SMC2: variants seen among roughly 807,000 people sequenced by gnomAD.
The protein encoded by SMC2 is structural maintenance of chromosomes protein 2.
SMC2 carries 41 observed loss-of-function variants against 142.6 expected under a neutral mutation model. The ratio of observed to expected loss-of-function variants is 0.29; its 90% confidence interval spans 0.22 to 0.37. SMC2 has a LOEUF of 0.37. Among genes scored for constraint, SMC2 ranks in the 10% least tolerant of loss-of-function variants. The pLI, the probability that SMC2 is intolerant of heterozygous loss-of-function variation, is 1.00. For synonymous variants in SMC2, 463 were observed against 457.5 expected (o/e 1.01, Z -0.15); for missense variants, 1,265 against 1,373.7 (o/e 0.92, Z 1.25).
chr9:104,133,693 C>G (rs148969927), intron 22 of SMC2, among the ~76,000 whole-genome samples: 1 of 152,102 alleles, frequency 6.6e-6, no homozygotes, highest in Non-Finnish European at 1.5e-5. Flanking sequence ...TACCCTATTA[C>G]AAGCTAGGAT....
chr9:104,131,527 G>T (rs1834966321), intron 21 of SMC2, among the ~76,000 whole-genome samples: 1 of 151,828 alleles, frequency 6.6e-6, no homozygotes, highest in Admixed American at 6.6e-5. Context: ...AAAAAAGTAA[G>T]GTCCAATTTA....
chr9:104,104,148 A>T (rs1312081573), intron 9 of SMC2, among the ~76,000 whole-genome samples: 1 of 152,166 alleles, frequency 6.6e-6, no homozygotes, highest in East Asian at 1.9e-4. Context: ...GGTCTCATCC[A>T]GCTCTGTAAC....
rs1293728932 is a variant in SMC2 at position 104,139,331 on chromosome 9, C to A, written c.*16C>A. 5.1e-6 allele frequency: 8 copies of A among 1,558,168 alleles called. No individual in the cohort carries two copies. The highest frequency in any genetic ancestry group is 6.9e-6 in the Non-Finnish European group (8 of 1,161,430). On this transcript the variant is annotated 3_prime_UTR_variant, in exon 25 of 25. Coordinates refer to ENST00000374793, the MANE Select transcript of SMC2 (RefSeq NM_006444.3). ...GGAAGTTTAAACTACAAAGTTATTT[C>A]TTCATCTTGACCTGTTTTTTTAAAT...
At position 104,126,706 on chromosome 9, in the gene SMC2, G is replaced by A. The variant is rs755697502; in HGVS notation, c.2517G>A (p.Gln839=). The change falls in exon 19 of 25, where the codon CAG becomes CAA. Residue 839 remains glutamine (Q), a synonymous_variant. Coordinates refer to ENST00000374793, the MANE Select transcript of SMC2 (RefSeq NM_006444.3). The stretch of plus-strand genomic sequence containing the variant: ...GAGAGCATACATCTTACAAACAACA[G>A]CTTGAAGCTGTAAATGAAGCTATCA... ...LKREHTSYKQ[Q]LEAVNEAIKS... is the part of the protein sequence containing the mutation. The A allele has an allele frequency of 3.7e-6, 6 of 1,612,416 alleles. No homozygotes were observed. In the African/African-American group the frequency reaches 6.7e-5, roughly 18 times the overall value.
chr9:104,094,546 A>G (rs149327696), intron 1 of SMC2, 69 bp downstream of exon 1: 92 of 151,468 alleles, frequency 6.1e-4, no homozygotes, highest in African/African-American at 1.7e-3. Flanking sequence ...GGGAGGCGGG[A>G]GGCGGGGCGC....
At chr9:104,113,094 T>C (rs1832674833) in intron 10 of SMC2, among the ~76,000 whole-genome samples, 1 of 152,162 alleles carries the variant, frequency 6.6e-6, no homozygotes, top group Admixed American at 6.5e-5. Context: ...AATTTCAAAT[T>C]CTTTTACATA....
At chr9:104,109,995 G>C (rs1832244368) in intron 9 of SMC2, among the ~76,000 whole-genome samples, 1 of 152,130 alleles carries the variant, frequency 6.6e-6, no homozygotes, top group Non-Finnish European at 1.5e-5. Flanking sequence ...TAATTTTGTA[G>C]CCACCTCCTG....
At chr9:104,099,021 A>G (rs544351529) in intron 4 of SMC2, among the ~76,000 whole-genome samples, 1 of 152,256 alleles carries the variant, frequency 6.6e-6, no homozygotes, top group South Asian at 2.1e-4. Context: ...GAATTATAGT[A>G]AAGTCGATGG....
intron 2 of SMC2, 98 bp downstream of exon 2, chr9:104,095,650 T>A: frequency 2.1e-6 from 2 of 958,710 alleles, no homozygotes; most frequent in South Asian, 3.2e-5. Context: ...TTTGTGTTTT[T>A]ATACTTTTTG....
intron 3 of SMC2, among the ~76,000 whole-genome samples, chr9:104,096,921 GC>G (rs1351326735): frequency 6.6e-6 from 1 of 151,924 alleles, no homozygotes; most frequent in Non-Finnish European, 1.5e-5. Context: ...TCTTTTAATG[GC>G]ACCTTAGATT....
Position 104,110,933 on chromosome 9 carries a change from T to C in SMC2, c.1021-648T>C, listed in dbSNP as rs189496036. Among the ~76,000 whole-genome samples the C allele has an allele frequency of 1.9e-4, 29 of 152,344 alleles. No homozygotes were observed. In the East Asian group the frequency reaches 4.8e-3, roughly 25 times the overall value. ...GCTCCCTTAGAACAGCGACTTAGTC[T>C]GTGTCTTTAATGTCTTAGAATAGGG... On this transcript the variant is annotated intron_variant, in intron 9 of 24. Transcript: ENST00000374793.
At chr9:104,113,849 T>TA in intron 11 of SMC2, 115 bp from the exon 12 acceptor site, 2 of 645,284 alleles carry the variant, frequency 3.1e-6, no homozygotes, top group Admixed American at 5.7e-5. Flanking sequence ...TTTTAATACT[T>TA]ACAGAAATTT....
chr9:104,127,372 A>C lies in SMC2; in HGVS notation c.2682A>C (p.Ala894=). 6.2e-7 allele frequency: 1 copy of C among 1,613,976 alleles called. No individual in the cohort carries two copies. The change falls in exon 20 of 25, where the codon GCA becomes GCC. Residue 894 remains alanine, a synonymous_variant. Transcript: ENST00000374793. ...ACACTGTAATTAAAGCTAAATATGC[A>C]GAAGTGGCAAAACACAAGGAGCAAA... ...AQDTVIKAKY[A]EVAKHKEQNN...
Position 104,096,264 on chromosome 9 carries a change from T to A in SMC2, c.285T>A (p.Phe95Leu). Residue 95 changes from phenylalanine to leucine, a missense_variant, in exon 3 of 25, where the codon TTT becomes TTA. By Grantham distance (22) the Phe-to-Leu change is conservative. Coordinates refer to ENST00000374793, the MANE Select transcript of SMC2 (RefSeq NM_006444.3). ...NSDKKQSPLG[F>L]EVHDEITVTR... ...ACAAAAAGCAAAGTCCTTTAGGATT[T>A]GAGGTTCATGATGAAATCACAGTAA... is the stretch of plus-strand genomic sequence containing the variant. 6.2e-7 allele frequency: 1 copy of A among 1,614,170 alleles called. No individual in the cohort carries two copies. The highest frequency in any genetic ancestry group is 2.2e-5 in the East Asian group (1 of 44,874).
chr9:104,135,273 G>T (rs1197446656), intron 23 of SMC2, among the ~76,000 whole-genome samples: 3 of 151,034 alleles, frequency 2.0e-5, no homozygotes, highest in Admixed American at 6.6e-5. Context: ...AGAAATAGAA[G>T]CTACTAAAAA....
At chr9:104,111,507 T>G in intron 9 of SMC2, 74 bp from the exon 10 acceptor site, 1 of 817,882 alleles carries the variant, frequency 1.2e-6, no homozygotes, top group Non-Finnish European at 2.0e-6. Context: ...TTTTATTACA[T>G]AAGGGTATGC....
chr9:104,123,514 G>T (rs979987704), intron 17 of SMC2, among the ~76,000 whole-genome samples: 9 of 152,112 alleles, frequency 5.9e-5, no homozygotes, highest in Non-Finnish European at 1.2e-4. Context: ...TTCCAAATCT[G>T]TTGGTTGTGA....
rs1383184903 is a variant in SMC2, at chr9:104,140,704, A to G, written c.*1389A>G. 2 of 151,856 alleles carry G rather than the reference A, an allele frequency of 1.3e-5. No homozygotes were observed. Among genetic ancestry groups the G allele is most frequent in the African/African-American group, 4.9e-5 (2 of 40,702 alleles). The allele number at this position is 151,856 out of a possible 1,614,324, so 9.4% of individuals were successfully genotyped here. A position where few individuals can be genotyped will look rare whatever the true frequency, so the allele number is the denominator to read the frequency against. ...TAATGCTGTAAATGTTGAGTTACAG[A>G]AAGTCCAATGTCAAATATAGTTTTT... is the stretch of plus-strand genomic sequence containing the variant. On this transcript the variant is annotated 3_prime_UTR_variant, in exon 25 of 25. Transcript: ENST00000374793.
Position 104,102,043 on chromosome 9 carries a change from G to C in SMC2, c.720G>C (p.Leu240Phe). 6.5e-7 allele frequency: 1 copy of C among 1,533,792 alleles called. No individual in the cohort carries two copies. Among genetic ancestry groups the C allele is most frequent in the Non-Finnish European group, 8.9e-7 (1 of 1,119,734 alleles). Residue 240 changes from leucine to phenylalanine, a missense_variant, in exon 8 of 25, where the codon TTG (leucine) becomes TTC (phenylalanine). By Grantham distance (22) the Leu-to-Phe change is conservative (BLOSUM62 0). Coordinates refer to ENST00000374793, the MANE Select transcript of SMC2 (RefSeq NM_006444.3). ...GTTTATATATTGCTTATCAGTTTTT[G>C]CTGGCTGAAGATACCAAAGTACGCT... ...LSRLYIAYQFLLAEDTKVRSA... is the reference protein window; with the variant it reads ...LSRLYIAYQFFLAEDTKVRSA...
Sources: allele counts gnomAD v4.1 joint callset (sites outside exome capture counted in the v4.1 genomes callset), GRCh38; gene constraint gnomAD v4.1.1; transcripts MANE v1.5; gene names NCBI Gene and HGNC (gene_info 2026-07-23, HGNC 2026-07-21).